ARHGEF10: variants seen among roughly 807,000 people sequenced by gnomAD.
The protein encoded by ARHGEF10 is Rho guanine nucleotide exchange factor 10.
ARHGEF10 carries 140 observed loss-of-function variants against 147.4 expected under a neutral mutation model. The observed-to-expected ratio is 0.95, with a 90% CI of 0.83 to 1.09. The LOEUF is 1.09. Ranked by LOEUF, ARHGEF10 falls within the 50% of genes least tolerant of loss-of-function variation. The probability of loss-of-function intolerance (pLI) is 0.00; values close to 1 mark genes in which losing one functional copy is unlikely to be tolerated. For missense variants in ARHGEF10, 2,222 were observed against 1,752.7 expected (o/e 1.27, Z -4.78); for synonymous variants, 902 against 695.8 (o/e 1.30, Z -4.67).
rs146579618 is a variant in ARHGEF10, at chr8:1,905,434, G to A, written c.1822-137G>A. On this transcript the variant is annotated intron_variant, in intron 16 of 28. Transcript: ENST00000349830. ...GGAGGCGGATGTTCAGCGCAGTCAC[G>A]GGGAACATAGGAACGATTTCCGTAA... 278 of 1,093,596 alleles carry A rather than the reference G, an allele frequency of 2.5e-4. No homozygotes were observed. The African/African-American group carries it at 4.0e-3, about 16-fold the overall frequency. The allele number at this position is 1,093,596 out of a possible 1,614,324, so 67.7% of individuals were successfully genotyped here. A position where few individuals can be genotyped will look rare whatever the true frequency, so the allele number is the denominator to read the frequency against.
chr8:1,904,821 T>G (rs1810752589), intron 16 of ARHGEF10, among the ~76,000 whole-genome samples: 1 of 141,866 alleles, frequency 7.0e-6, no homozygotes, highest in Non-Finnish European at 1.6e-5. Flanking sequence ...TCTTGTGGGC[T>G]GAGTTGTTAT....
rs1563161973 is a variant in ARHGEF10 at position 1,841,988 on chromosome 8, TGGGGCCGCGGCGGGAACTGGGG to T, written c.-47-1364_-47-1343del. On this transcript the variant is annotated intron_variant, in intron 1 of 28. Transcript: ENST00000349830. ...CCGGAACTGGGGCCGCGGCGGGAAC[TGGGGCCGCGGCGGGAACTGGGG>T]CCGCGGCGGGAACTGGGGCCGCGGC... Among the ~76,000 whole-genome samples, 184 of 63,856 alleles carry T rather than the reference TGGGGCCGCGGCGGGAACTGGGG, an allele frequency of 2.9e-3. 9 individuals carry two copies. The highest frequency in any genetic ancestry group is 9.3e-3 in the African/African-American group (155 of 16,680). 41.9% of individuals were successfully genotyped at this position (63,856 alleles called of 152,430 possible).
At chr8:1,831,557 CAGTGTGA>C (rs1803110842) in intron 1 of ARHGEF10, among the ~76,000 whole-genome samples, 1 of 146,070 alleles carries the variant, frequency 6.8e-6, no homozygotes, top group African/African-American at 2.5e-5. Context: ...CGTGGAGGGA[CAGTGTGA>C]CATCCGTGGA....
chr8:1,944,327 C>T (rs1407270370), intron 26 of ARHGEF10, among the ~76,000 whole-genome samples: 1 of 152,234 alleles, frequency 6.6e-6, no homozygotes, highest in African/African-American at 2.4e-5. Context: ...TCAGGCCCTG[C>T]AGCGCCCCTG....
intron 4 of ARHGEF10, among the ~76,000 whole-genome samples, chr8:1,861,574 C>G (rs1226732155): frequency 6.6e-6 from 1 of 152,160 alleles, no homozygotes; most frequent in Non-Finnish European, 1.5e-5. Flanking sequence ...AGACATGATT[C>G]TTATTCCTGT....
intron 1 of ARHGEF10, among the ~76,000 whole-genome samples, chr8:1,830,637 A>T (rs1803039906): frequency 6.6e-6 from 1 of 152,240 alleles, no homozygotes; most frequent in Non-Finnish European, 1.5e-5. Context: ...GCCCCAAGGC[A>T]GGGTGTGAAC....
At chr8:1,863,731 C>T (rs1806345495) in intron 4 of ARHGEF10, among the ~76,000 whole-genome samples, 1 of 152,132 alleles carries the variant, frequency 6.6e-6, no homozygotes, top group African/African-American at 2.4e-5. Flanking sequence ...CGTACCCCAC[C>T]TGTGTGGAAT....
intron 11 of ARHGEF10, among the ~76,000 whole-genome samples, chr8:1,885,972 G>T (rs1471195326): frequency 1.3e-5 from 2 of 152,178 alleles, no homozygotes; most frequent in Non-Finnish European, 2.9e-5. Flanking sequence ...CTGCCCCTGA[G>T]TGTAGCTGTG....
chr8:1,840,351 TGGTGTGGA>T (rs1563158995), intron 1 of ARHGEF10, among the ~76,000 whole-genome samples: 2 of 119,994 alleles, frequency 1.7e-5, no homozygotes, highest in African/African-American at 7.0e-5. Flanking sequence ...GGGGACTGTC[TGGTGTGGA>T]AGCTGTCCGA....
intron 8 of ARHGEF10, among the ~76,000 whole-genome samples, chr8:1,879,350 T>G (rs781483638): frequency 1.3e-5 from 2 of 152,188 alleles, no homozygotes; most frequent in Non-Finnish European, 2.9e-5. Flanking sequence ...TACAAGTATC[T>G]TTTGCTTGGA....
intron 21 of ARHGEF10, among the ~76,000 whole-genome samples, chr8:1,924,101 G>A (rs1490239491): frequency 5.9e-5 from 9 of 152,204 alleles, no homozygotes; most frequent in Admixed American, 3.3e-4. Flanking sequence ...AACGGATGGT[G>A]TTTCTGGTAC....
intron 18 of ARHGEF10, among the ~76,000 whole-genome samples, chr8:1,918,743 A>G (rs2129201224): frequency 1.3e-5 from 2 of 152,274 alleles, no homozygotes; most frequent in South Asian, 4.1e-4. Context: ...TATTCCTCCC[A>G]ATGAACTGAA....
intron 4 of ARHGEF10, among the ~76,000 whole-genome samples, chr8:1,861,535 C>G (rs1376895869): frequency 1.3e-5 from 2 of 152,200 alleles, no homozygotes; most frequent in Non-Finnish European, 2.9e-5. Flanking sequence ...GGATGTTCCT[C>G]TAATGGAAGC....
At chr8:1,865,386 C>T (rs1806498870) in intron 5 of ARHGEF10, among the ~76,000 whole-genome samples, 1 of 151,926 alleles carries the variant, frequency 6.6e-6, no homozygotes, top group African/African-American at 2.4e-5. Flanking sequence ...GGGCATCCCC[C>T]AGCACCCAGG....
intron 25 of ARHGEF10, among the ~76,000 whole-genome samples, chr8:1,930,494 C>G (rs1474597780): frequency 6.6e-6 from 1 of 152,016 alleles, no homozygotes; most frequent in Non-Finnish European, 1.5e-5. Flanking sequence ...TTTACCCTCC[C>G]CGCCCCCCCG....
At position 1,880,084 on chromosome 8, in the gene ARHGEF10, G is replaced by A; in HGVS notation, c.880G>A (p.Glu294Lys). The A allele has an allele frequency of 6.2e-7, 1 of 1,614,142 alleles. No homozygotes were observed. Among genetic ancestry groups the A allele is most frequent in the Non-Finnish European group, 8.5e-7 (1 of 1,179,984 alleles). ...HDLTRLKEHY[E>K]KKMRDLMAST... ...CCTAACCCGTTTAAAGGAGCACTATGAGAAAAAGATGAGAGATTTGATGGC... is the reference window on the plus strand; with the variant it reads ...CCTAACCCGTTTAAAGGAGCACTATAAGAAAAAGATGAGAGATTTGATGGC... Residue 294 changes from glutamate to lysine, a missense_variant, in exon 9 of 29, where the codon GAG (glutamate) becomes AAG (lysine). Transcript: ENST00000349830.
chr8:1,828,468 C>T (rs1057439339), intron 1 of ARHGEF10, among the ~76,000 whole-genome samples: 1 of 149,032 alleles, frequency 6.7e-6, no homozygotes, highest in Non-Finnish European at 1.5e-5. Context: ...TAAGGAATTA[C>T]ATTTTGATAA....
intron 11 of ARHGEF10, among the ~76,000 whole-genome samples, chr8:1,892,740 C>A (rs145659675): frequency 6.6e-6 from 1 of 151,872 alleles, no homozygotes; most frequent in Admixed American, 6.6e-5. Context: ...TGTGCCCGGG[C>A]GTGTGTTCAT....
Position 1,909,406 on chromosome 8 carries a change from G to C in ARHGEF10, c.2079G>C (p.Glu693Asp), listed in dbSNP as rs770407617. ...ATGGCAGCAGCGCAGGCACGGGCGA[G>C]CACAGCAGGCACCTTGCCGTTCACC... is the stretch of plus-strand genomic sequence containing the variant. ...IEYGSSAGTGEHSRHLAVHPP... is the reference protein window; with the variant it reads ...IEYGSSAGTGDHSRHLAVHPP... Residue 693 changes from glutamate to aspartate, a missense_variant, in exon 18 of 29, where the codon GAG becomes GAC. Physicochemically the swap from Glu to Asp is conservative, Grantham distance 45. Coordinates refer to ENST00000349830, the MANE Select transcript of ARHGEF10 (RefSeq NM_014629.4). 12 of 1,614,008 alleles carry C rather than the reference G, an allele frequency of 7.4e-6. No individual in the cohort carries two copies. The East Asian group carries it at 1.3e-4, about 18-fold the overall frequency.
Sources: allele counts gnomAD v4.1 joint callset (sites outside exome capture counted in the v4.1 genomes callset), GRCh38; gene constraint gnomAD v4.1.1; transcripts MANE v1.5; gene names NCBI Gene and HGNC (gene_info 2026-07-23, HGNC 2026-07-21).